The following FBN2 variants were observed in gnomAD, a reference collection of about 807,000 sequenced individuals.
FBN2 encodes the protein fibrillin-2.
In FBN2, 105 loss-of-function variants were observed where a neutral mutation model predicts 355.6. The observed-to-expected ratio is 0.30, with a 90% CI of 0.25 to 0.35. The LOEUF (loss-of-function observed/expected upper bound fraction) is 0.35, where lower values mean the gene tolerates loss of function less well. FBN2 is among the 10% of genes least tolerant of loss of function. FBN2 has a pLI of 1.00. For synonymous variants in FBN2, 1,350 were observed against 1,301.2 expected, an observed-to-expected ratio of 1.04 and a Z score of -0.81; for missense variants, 3,280 against 3,758.7, an observed-to-expected ratio of 0.87 and a Z score of 3.33.
intron 2 of FBN2, 129 bp downstream of exon 2, chr5:128,536,273 C>G (rs575254076): frequency 5.3e-6 from 4 of 755,292 alleles, no homozygotes; most frequent in Non-Finnish European, 9.3e-6. Context: ...GGCCGCGTCC[C>G]GATTATCAGT....
intron 5 of FBN2, among the ~76,000 whole-genome samples, chr5:128,493,662 C>G (rs1355875452): frequency 6.6e-6 from 1 of 152,026 alleles, no homozygotes; most frequent in Non-Finnish European, 1.5e-5. Flanking sequence ...AATTCTTTAA[C>G]TGAGAAGAAT....
At chr5:128,495,232 T>C (rs1755624243) in intron 5 of FBN2, among the ~76,000 whole-genome samples, 1 of 152,044 alleles carries the variant, frequency 6.6e-6, no homozygotes, top group Non-Finnish European at 1.5e-5. Context: ...GTGATAGATC[T>C]ATAGAGAGTA....
chr5:128,477,228 G>T (rs1755026797), intron 5 of FBN2, among the ~76,000 whole-genome samples: 1 of 152,188 alleles, frequency 6.6e-6, no homozygotes. Flanking sequence ...CATGTGCTTA[G>T]TGGCTACTGT....
chr5:128,263,745 TTATGGCAGAAA>T, intron 62 of FBN2, 89 bp from the exon 63 acceptor site: 1 of 817,838 alleles, frequency 1.2e-6, no homozygotes. Context: ...GCCTGTGATT[TTATGGCAGAAA>T]TAACTCTAAC....
intron 5 of FBN2, among the ~76,000 whole-genome samples, chr5:128,511,084 C>T (rs553441997): frequency 6.6e-6 from 1 of 152,214 alleles, no homozygotes; most frequent in African/African-American, 2.4e-5. Context: ...GTTATCTTCC[C>T]TCCAAATTAT....
At position 128,278,022 on chromosome 5, in the gene FBN2, C is replaced by CA. The variant is rs776223919; in HGVS notation, c.7346-18dup. 6.2e-7 allele frequency: 1 copy of CA among 1,613,622 alleles called. No individual in the cohort carries two copies. On this transcript the variant is annotated splice_polypyrimidine_tract_variant and intron_variant, in intron 57 of 64. Coordinates refer to ENST00000262464, the MANE Select transcript of FBN2 (RefSeq NM_001999.4). The stretch of plus-strand genomic sequence containing the variant: ...CATCAATATCTGTGGACCAAAACAA[C>CA]AAAAACAATCAGGAGTTAACATATA...
At chr5:128,445,751 T>C (rs1754048242) in intron 7 of FBN2, among the ~76,000 whole-genome samples, 1 of 152,164 alleles carries the variant, frequency 6.6e-6, no homozygotes, top group Non-Finnish European at 1.5e-5. Flanking sequence ...ATCAAAACTA[T>C]TCTAAATATC....
intron 5 of FBN2, among the ~76,000 whole-genome samples, chr5:128,481,563 T>C (rs1755189497): frequency 6.6e-6 from 1 of 152,124 alleles, no homozygotes; most frequent in African/African-American, 2.4e-5. Flanking sequence ...GTCCACATGT[T>C]TCCAAACTCC....
chr5:128,521,378 G>C (rs1448962314), intron 4 of FBN2, among the ~76,000 whole-genome samples: 1 of 152,076 alleles, frequency 6.6e-6, no homozygotes, highest in East Asian at 1.9e-4. Flanking sequence ...GGAGGGCAGG[G>C]GGAGGGAGAG....
At chr5:128,314,940 A>T (rs977077669) in intron 36 of FBN2, among the ~76,000 whole-genome samples, 1 of 152,106 alleles carries the variant, frequency 6.6e-6, no homozygotes, top group Non-Finnish European at 1.5e-5. Context: ...CTCTCCAAAA[A>T]TGGTTTCTAA....
intron 6 of FBN2, among the ~76,000 whole-genome samples, chr5:128,459,819 T>G: frequency 6.6e-6 from 1 of 152,112 alleles, no homozygotes; most frequent in Admixed American, 6.5e-5. Flanking sequence ...TATCTCAAAA[T>G]AATAAGAGCT....
intron 5 of FBN2, among the ~76,000 whole-genome samples, chr5:128,516,549 C>T (rs1756286557): frequency 6.6e-6 from 1 of 151,978 alleles, no homozygotes; most frequent in Admixed American, 6.6e-5. Context: ...CTGCCAAAAG[C>T]CCAGACAGCT....
Position 128,289,127 on chromosome 5 carries a change from C to T in FBN2, c.6637G>A (p.Asp2213Asn). 6.2e-7 allele frequency: 1 copy of T among 1,614,076 alleles called. No individual in the cohort carries two copies. The highest frequency in any genetic ancestry group is 8.5e-7 in the Non-Finnish European group (1 of 1,179,972). ...NLDYTGVRCVDTDECSIGNPC... is the reference protein window; with the variant it reads ...NLDYTGVRCVNTDECSIGNPC... ...TCTGTAATGTGGAGCCAACACTCACCCACACAGCGTACTCCAGTGTAGTCA... is the reference window on the plus strand; with the variant it reads ...TCTGTAATGTGGAGCCAACACTCACTCACACAGCGTACTCCAGTGTAGTCA... Residue 2213 changes from aspartate to asparagine, a missense_variant and splice_region_variant, in exon 52 of 65, where the codon GAT becomes AAT. Coordinates refer to ENST00000262464, the MANE Select transcript of FBN2 (RefSeq NM_001999.4).
At position 128,349,888 on chromosome 5, in the gene FBN2, G is replaced by A. The variant is rs190957873; in HGVS notation, c.2863+67C>T. ...AATGATAAATATCTCCAAAGTTTGA[G>A]AGTGAATGTTAATTTTACTTACTGC... is the stretch of plus-strand genomic sequence containing the variant. On this transcript the variant is annotated intron_variant, in intron 22 of 64. Coordinates refer to ENST00000262464, the MANE Select transcript of FBN2 (RefSeq NM_001999.4). 1.8e-5 allele frequency: 21 copies of A among 1,193,148 alleles called. No individual in the cohort carries two copies. In the African/African-American group the frequency reaches 3.0e-4, roughly 17 times the overall value. 73.9% of individuals were successfully genotyped at this position (1,193,148 alleles called of 1,614,324 possible). A position where few individuals can be genotyped will look rare whatever the true frequency, so the allele number is the denominator to read the frequency against.
intron 11 of FBN2, among the ~76,000 whole-genome samples, chr5:128,382,381 A>G (rs1006088105): frequency 4.6e-5 from 7 of 152,038 alleles, no homozygotes; most frequent in Non-Finnish European, 8.8e-5. Context: ...GAGCTAGACT[A>G]AGGGCCTTCG....
intron 7 of FBN2, among the ~76,000 whole-genome samples, chr5:128,417,358 C>T (rs1753233190): frequency 1.3e-5 from 2 of 152,108 alleles, no homozygotes; most frequent in Non-Finnish European, 2.9e-5. Context: ...TCTCTCTTGT[C>T]TGATTGCTCT....
At chr5:128,275,236 T>C (rs866015906) in intron 59 of FBN2, among the ~76,000 whole-genome samples, 1 of 152,112 alleles carries the variant, frequency 6.6e-6, no homozygotes, top group Non-Finnish European at 1.5e-5. Flanking sequence ...TTGGCTATAC[T>C]AAAACTTAAT....
At chr5:128,270,790 A>T (rs1765250720) in intron 62 of FBN2, among the ~76,000 whole-genome samples, 2 of 152,100 alleles carry the variant, frequency 1.3e-5, no homozygotes, top group South Asian at 4.1e-4. Flanking sequence ...AGTGTGCCAT[A>T]CACTTTGCCT....
At chr5:128,296,374 C>T (rs1396784967) in intron 48 of FBN2, among the ~76,000 whole-genome samples, 1 of 152,026 alleles carries the variant, frequency 6.6e-6, no homozygotes, top group African/African-American at 2.4e-5. Flanking sequence ...GGAGGATTCC[C>T]TCTTTTTCTA....
Sources: gnomAD v4.1 joint callset for allele counts (sites outside exome capture counted in the v4.1 genomes callset) on GRCh38, gnomAD v4.1.1 for gene constraint, MANE v1.5 for transcripts, NCBI Gene and HGNC (gene_info 2026-07-23, HGNC 2026-07-21) for gene names.